CAST: variants seen among roughly 807,000 people sequenced by gnomAD.
CAST encodes calpastatin, also known as MIR583 host.
Under a neutral mutation model 119.6 loss-of-function variants are expected in CAST, and 76 were observed. The ratio of observed to expected loss-of-function variants is 0.64; its 90% CI spans 0.53 to 0.77. CAST has a LOEUF of 0.77. CAST is among the 30% of genes least tolerant of loss of function. The pLI, the probability that CAST is intolerant of heterozygous loss-of-function variation, is 0.00. For synonymous variants in CAST, 319 were observed against 331.6 expected, an observed-to-expected ratio of 0.96 and a Z score of 0.41; for missense variants, 953 against 946.5, an observed-to-expected ratio of 1.01 and a Z score of -0.09.
chr5:96,423,647 C>A, the CAST span, among the ~76,000 whole-genome samples: 10 of 152,206 alleles, frequency 6.6e-5, no homozygotes, highest in Admixed American at 5.2e-4. Context: ...CAGAGTGCTG[C>A]TCTTCTCCCG....
At chr5:96,048,570 G>T in the CAST span, among the ~76,000 whole-genome samples, 2 of 152,110 alleles carry the variant, frequency 1.3e-5, no homozygotes, top group African/African-American at 2.4e-5. Flanking sequence ...GTGGTGAGGG[G>T]CTGTGGGTAG....
the CAST span, among the ~76,000 whole-genome samples, chr5:96,139,554 A>ATGTG: frequency 1.2e-5 from 1 of 86,392 alleles, no homozygotes; most frequent in Admixed American, 9.5e-5. Context: ...ATATGTATAT[A>ATGTG]TATGTGTGTG....
chr5:95,986,903 A>G, the CAST span, among the ~76,000 whole-genome samples: 1 of 152,118 alleles, frequency 6.6e-6, no homozygotes, highest in Non-Finnish European at 1.5e-5. Flanking sequence ...TGGCAGAGTA[A>G]AAAATGCTGC....
chr5:96,282,525 T>C, the CAST span, among the ~76,000 whole-genome samples: 1 of 152,218 alleles, frequency 6.6e-6, no homozygotes. Flanking sequence ...CCCTGGATAC[T>C]GTCGTCAGAA....
chr5:96,141,634 ATATCTC>A, the CAST span, among the ~76,000 whole-genome samples: 1 of 152,234 alleles, frequency 6.6e-6, no homozygotes, highest in Admixed American at 6.5e-5. Flanking sequence ...ACTAAAGTCT[ATATCTC>A]TATTGCTATG....
chr5:96,266,162 G>A, the CAST span, among the ~76,000 whole-genome samples: 9 of 152,080 alleles, frequency 5.9e-5, no homozygotes, highest in African/African-American at 1.7e-4. Context: ...AGTTCCCAGG[G>A]CCACAAATAA....
the CAST span, among the ~76,000 whole-genome samples, chr5:96,382,708 A>G: frequency 2.6e-5 from 4 of 152,160 alleles, no homozygotes; most frequent in Non-Finnish European, 4.4e-5. Context: ...TCATCCAAAT[A>G]AGCAAATAAT....
chr5:96,573,148 T>G (rs1371649201), intron 1 of CAST, among the ~76,000 whole-genome samples: 1 of 152,192 alleles, frequency 6.6e-6, no homozygotes, highest in African/African-American at 2.4e-5. Context: ...TGGTTTATGT[T>G]CTTGGATTGT....
At chr5:96,323,047 A>C in the CAST span, among the ~76,000 whole-genome samples, 2 of 152,018 alleles carry the variant, frequency 1.3e-5, no homozygotes, top group African/African-American at 4.8e-5. Flanking sequence ...TAACCTGCCT[A>C]CCTTGCTTTT....
At chr5:96,046,795 T>C in the CAST span, among the ~76,000 whole-genome samples, 1 of 152,284 alleles carries the variant, frequency 6.6e-6, no homozygotes, top group African/African-American at 2.4e-5. Flanking sequence ...GGCCTCAGAA[T>C]CATGGTGGGA....
intron 1 of CAST, among the ~76,000 whole-genome samples, chr5:96,617,874 T>C (rs1210271319): frequency 6.7e-6 from 1 of 148,266 alleles, no homozygotes; most frequent in Non-Finnish European, 1.5e-5. Context: ...TAGAGGTTAT[T>C]CTAATTTTTT....
intron 3 of CAST, among the ~76,000 whole-genome samples, chr5:96,711,575 C>T (rs1454165235): frequency 6.6e-6 from 1 of 152,148 alleles, no homozygotes; most frequent in African/African-American, 2.4e-5. Flanking sequence ...GAGGTATTGA[C>T]AGTTTTATAA....
At chr5:96,039,531 A>C in the CAST span, among the ~76,000 whole-genome samples, 1 of 152,068 alleles carries the variant, frequency 6.6e-6, no homozygotes, top group African/African-American at 2.4e-5. Context: ...TCTTTTATCC[A>C]TCTTGAGTGA....
the CAST span, among the ~76,000 whole-genome samples, chr5:96,507,990 C>CATTATTATTATTATTATT: frequency 5.6e-5 from 8 of 142,266 alleles, no homozygotes; most frequent in Non-Finnish European, 1.1e-4. Context: ...ATATCCCTGA[C>CATTATTATTATTATTATT]ATTATTATTA....
chr5:96,304,792 C>G, the CAST span, among the ~76,000 whole-genome samples: 57 of 152,288 alleles, frequency 3.7e-4, no homozygotes, highest in Middle Eastern at 3.4e-3. Context: ...GGCCTCTGTT[C>G]TGTTCCATTG....
chr5:96,742,765 CT>C lies in CAST; in HGVS notation c.1200+11del. On this transcript the variant is annotated intron_variant, in intron 16 of 31. Transcript: ENST00000675179. The stretch of plus-strand genomic sequence containing the variant: ...TTAAGGAAGTCGATGAGGTACTGAC[CT>C]TAGAGTTGATTTACAAAGCTTGTTA... 6.3e-7 allele frequency: 1 copy of C among 1,595,472 alleles called. No homozygotes were observed. The highest frequency in any genetic ancestry group is 8.6e-7 in the Non-Finnish European group (1 of 1,163,378).
intron 1 of CAST, among the ~76,000 whole-genome samples, chr5:96,609,997 A>C (rs769784594): frequency 1.7e-4 from 26 of 152,144 alleles, no homozygotes; most frequent in Middle Eastern, 3.4e-3. Flanking sequence ...CCCCACTCAA[A>C]TCTCATCTTG....
the CAST span, chr5:96,399,113 A>AGTCAAGATTGATGC: frequency 9.7e-7 from 1 of 1,029,242 alleles, no homozygotes; most frequent in Non-Finnish European, 1.5e-6. Context: ...TGCATGCATC[A>AGTCAAGATTGATGC]ATCTTGACTA....
intron 1 of CAST, among the ~76,000 whole-genome samples, chr5:96,583,192 T>C (rs1187096188): frequency 1.3e-5 from 2 of 152,006 alleles, no homozygotes; most frequent in Admixed American, 1.3e-4. Flanking sequence ...CTTTTCAGAA[T>C]TGGATAATTT....
Sources: gnomAD v4.1 joint callset for allele counts (sites outside exome capture counted in the v4.1 genomes callset) on GRCh38, gnomAD v4.1.1 for gene constraint, MANE v1.5 for transcripts, NCBI Gene and HGNC (gene_info 2026-07-23, HGNC 2026-07-21) for gene names.